Variants in ARMCX4 observed in about 807,000 individuals in gnomAD.
ARMCX4 encodes armadillo repeat-containing X-linked protein 4.
A neutral mutation model predicts 34.7 loss-of-function variants in ARMCX4; 3 were observed. The observed-to-expected ratio is 0.09, with a 90% CI of 0.04 to 0.22. ARMCX4 has a LOEUF of 0.22. Among genes scored for constraint, ARMCX4 ranks in the 10% least tolerant of loss-of-function variants. The pLI is 1.00. For synonymous variants in ARMCX4, 513 were observed against 632.8 expected, an observed-to-expected ratio of 0.81 and a Z score of 2.84; for missense variants, 1,448 against 1,720.8, an observed-to-expected ratio of 0.84 and a Z score of 2.81.
rs1049708296 is a variant in ARMCX4, at chrX:101,492,789, G to A, written c.4200G>A (p.Gly1400=). The A allele has an allele frequency of 8.7e-7, 1 of 1,154,277 alleles. No individual in the cohort carries two copies. The highest frequency in any genetic ancestry group is 1.8e-5 in the African/African-American group (1 of 56,230). ...TTGAAAATCAGACCACAGAAGAAGG[G>A]TCTTGGGCTGGGGCTGGTGGCCAGG... The part of the protein sequence containing the change: ...PRFENQTTEE[G]SWAGAGGQAG... Residue 1400 remains glycine (G), a synonymous_variant, in exon 6 of 6, where the codon GGG becomes GGA. Coordinates refer to ENST00000423738, the MANE Select transcript of ARMCX4 (RefSeq NM_001256155.3).
chrX:101,499,572 G>T (rs1934251123), downstream of ARMCX4, among the ~76,000 whole-genome samples: 1 of 111,938 alleles, frequency 8.9e-6, no homozygotes, highest in African/African-American at 3.2e-5. Context: ...ATGGAACAAG[G>T]ATCACTGATA....
downstream of ARMCX4, among the ~76,000 whole-genome samples, chrX:101,535,694 G>T (rs1453316179): frequency 1.8e-5 from 2 of 111,114 alleles, no homozygotes; most frequent in African/African-American, 6.5e-5. Context: ...TTTATTAAAT[G>T]CCTACAAATT....
At position 101,494,224 on chromosome X, in the gene ARMCX4, G is replaced by A. The variant is rs1449148334; in HGVS notation, c.5635G>A (p.Ala1879Thr). The A allele has an allele frequency of 2.6e-6, 3 of 1,152,793 alleles. No individual in the cohort carries two copies. In the East Asian group the frequency reaches 9.7e-5, roughly 37 times the overall value. Residue 1879 changes from alanine to threonine, a missense_variant, in exon 6 of 6, where the codon GCT (alanine) becomes ACT (threonine). Transcript: ENST00000423738. Reference sequence around the variant, plus strand: ...GGCTGGTGTAGAGTCCTGGACCTTGGCTAGGAATGTGGGAGAGGATGAGCT... The same window carrying A: ...GGCTGGTGTAGAGTCCTGGACCTTGACTAGGAATGTGGGAGAGGATGAGCT... ...EEAGVESWTL[A>T]RNVGEDELSR... is the part of the protein sequence containing the mutation.
At chrX:101,501,309 T>C (rs782402903) in intron 7 of ARMCX4, among the ~76,000 whole-genome samples, 1 of 113,281 alleles carries the variant, frequency 8.8e-6, no homozygotes, top group Non-Finnish European at 1.9e-5. Flanking sequence ...CTTATGGTAC[T>C]GATTCAGGTG....
intron 11 of ARMCX4, among the ~76,000 whole-genome samples, chrX:101,528,443 C>T (rs1429447314): frequency 8.1e-5 from 9 of 111,688 alleles, no homozygotes; most frequent in African/African-American, 2.0e-4. Context: ...TGCCCTCTCT[C>T]ACCACTCCTA....
In ARMCX4 at chrX:101,504,701, G is replaced by A. The variant is rs782429246; in HGVS notation, c.*1178-236G>A. Among the ~76,000 whole-genome samples the A allele has an allele frequency of 2.6e-4, 29 of 111,529 alleles. 1 individual carries two copies. The highest frequency in any genetic ancestry group is 9.1e-4 in the African/African-American group (28 of 30,745). On this transcript the variant is annotated intron_variant and NMD_transcript_variant, in intron 7 of 12. Coordinates refer to the ARMCX4 transcript ENST00000354842. ...TAGTAGACTTAGGGCTTAGAGGCTG[G>A]TTTAAGATTTTGAGTACAGTGGGTT...
intron 11 of ARMCX4, among the ~76,000 whole-genome samples, chrX:101,529,538 G>C (rs1321529606): frequency 8.9e-6 from 1 of 111,759 alleles, no homozygotes; most frequent in African/African-American, 3.3e-5. Flanking sequence ...CCATCAGAGT[G>C]AACAGGCAAC....
chrX:101,433,077 T>TATGTATACATACACGTGTATATATACAC (rs1930332943), intron 2 of ARMCX4, among the ~76,000 whole-genome samples: 3 of 110,147 alleles, frequency 2.7e-5, no homozygotes, highest in South Asian at 3.6e-4. Flanking sequence ...TATATACACA[T>TATGTATACATACACGTGTATATATACAC]ATGTATACAT....
chrX:101,502,392 T>C (rs1258620997), intron 7 of ARMCX4, among the ~76,000 whole-genome samples: 2 of 112,020 alleles, frequency 1.8e-5, no homozygotes, highest in Admixed American at 9.5e-5. Flanking sequence ...TCACACACCA[T>C]CATACCTCGC....
At position 101,494,611 on chromosome X, in the gene ARMCX4, A is replaced by G. The variant is rs1556011281; in HGVS notation, c.6022A>G (p.Ser2008Gly). The G allele has an allele frequency of 6.1e-6, 7 of 1,155,908 alleles. No individual in the cohort carries two copies. The highest frequency in any genetic ancestry group is 1.9e-5 in the South Asian group (1 of 52,735). ...ETKFAHQSEA[S>G]FPVEDESRKQ... is the part of the protein sequence containing the mutation. Reference sequence around the variant, plus strand: ...TAAGTTTGCACACCAAAGTGAGGCCAGCTTCCCAGTTGAAGATGAGTCCAG... The same window carrying G: ...TAAGTTTGCACACCAAAGTGAGGCCGGCTTCCCAGTTGAAGATGAGTCCAG... Residue 2008 changes from serine to glycine, a missense_variant, in exon 6 of 6, where the codon AGC (serine) becomes GGC (glycine). Transcript: ENST00000423738.
Position 101,492,340 on chromosome X carries a change from GCCAGTGGGGTGT to G in ARMCX4, c.3754_3765del (p.Ser1252_Ser1255del). ...TGATGGGTCCTGGCCTGGGGGACAG[GCCAGTGGGGTGT>G]CCTGGGTTGGGGAAGAGGCCATTGG... On this transcript the variant is annotated inframe_deletion, in exon 6 of 6. Coordinates refer to ENST00000423738, the MANE Select transcript of ARMCX4 (RefSeq NM_001256155.3). 4 of 1,151,254 alleles carry G rather than the reference GCCAGTGGGGTGT, an allele frequency of 3.5e-6. No homozygotes were observed. The South Asian group carries it at 7.7e-5, about 22-fold the overall frequency. The allele number at this position is 1,151,254 out of a possible 1,213,427, so 94.9% of individuals were successfully genotyped here. A position where few individuals can be genotyped will look rare whatever the true frequency, so the allele number is the denominator to read the frequency against.
At chrX:101,521,531 A>G (rs1423330785) in intron 11 of ARMCX4, among the ~76,000 whole-genome samples, 11 of 109,571 alleles carry the variant, frequency 1.0e-4, no homozygotes, top group African/African-American at 3.7e-4. Context: ...GGTTTTCTCT[A>G]TTATTTTTCT....
intron 2 of ARMCX4, among the ~76,000 whole-genome samples, chrX:101,441,049 C>G (rs923691379): frequency 1.3e-4 from 14 of 111,262 alleles, no homozygotes; most frequent in Admixed American, 2.9e-4. Flanking sequence ...CAGAAATCAC[C>G]TGTCTTCTGC....
At chrX:101,444,629 G>A (rs1931516343) in intron 3 of ARMCX4, among the ~76,000 whole-genome samples, 1 of 112,198 alleles carries the variant, frequency 8.9e-6, no homozygotes, top group Non-Finnish European at 1.9e-5. Context: ...TAATAGTCTT[G>A]AATAAAGTCT....
At chrX:101,455,613 C>T (rs979878940) in intron 4 of ARMCX4, among the ~76,000 whole-genome samples, 12 of 111,706 alleles carry the variant, frequency 1.1e-4, no homozygotes, top group African/African-American at 3.9e-4. Context: ...AATGCTCCTC[C>T]ATGGTTTATT....
In ARMCX4 at chrX:101,441,591, T is replaced by TACAC. The variant is rs10631945; in HGVS notation, n.165-2446_165-2443dup. 8.7e-3 allele frequency among the ~76,000 whole-genome samples: 912 copies of TACAC among 104,722 alleles called. 30 individuals carry two copies. The highest frequency in any genetic ancestry group is 0.085 in the Admixed American group (824 of 9,688). The allele number at this position is 104,722 out of a possible 115,157, so 90.9% of individuals were successfully genotyped here. ...GCACACACATGTTAATATACATACA[T>TACAC]ACACACACACACACACACCACCAGT... On this transcript the variant is annotated intron_variant and non_coding_transcript_variant, in intron 2 of 3. Transcript: ENST00000430461.
At chrX:101,475,977 T>C (rs1282749730) in intron 4 of ARMCX4, among the ~76,000 whole-genome samples, 1 of 111,313 alleles carries the variant, frequency 9.0e-6, no homozygotes, top group Non-Finnish European at 1.9e-5. Flanking sequence ...TCACAATTGA[T>C]GTGCTTTAAC....
intron 2 of ARMCX4, among the ~76,000 whole-genome samples, chrX:101,425,923 C>T (rs781885689): frequency 3.6e-5 from 4 of 110,737 alleles, no homozygotes; most frequent in Non-Finnish European, 7.6e-5. Flanking sequence ...TGGGCTCAGG[C>T]GATTCTCCCA....
At position 101,489,798 on chromosome X, in the gene ARMCX4, A is replaced by G. The variant is rs1556008097; in HGVS notation, c.1209A>G (p.Gln403=). 10 of 1,154,355 alleles carry G rather than the reference A, an allele frequency of 8.7e-6. No individual in the cohort carries two copies. The highest frequency in any genetic ancestry group is 1.0e-5 in the Non-Finnish European group (9 of 872,601). Residue 403 remains glutamine, a synonymous_variant, in exon 6 of 6, where the codon CAA becomes CAG. Coordinates refer to ENST00000423738, the MANE Select transcript of ARMCX4 (RefSeq NM_001256155.3). ...ACATGAGAGCTGCTGCTCAGCCTCA[A>G]GCTGTTGCCAGTACTCACGCTGAGG... The part of the protein sequence containing the change: ...GADMRAAAQP[Q]AVASTHAEAM...
Sources: allele counts gnomAD v4.1 joint callset (sites outside exome capture counted in the v4.1 genomes callset), GRCh38; gene constraint gnomAD v4.1.1; transcripts MANE v1.5; gene names NCBI Gene and HGNC (gene_info 2026-07-23, HGNC 2026-07-21).